The following ODC1 variants were observed in gnomAD, a reference collection of about 807,000 sequenced individuals.
ODC1 encodes ornithine decarboxylase.
ODC1 carries 18 observed loss-of-function variants against 41.5 expected under a neutral mutation model. The ratio of observed to expected loss-of-function variants is 0.43; its 90% CI spans 0.30 to 0.64. ODC1 has a LOEUF of 0.64. ODC1 is among the 30% of genes least tolerant of loss of function. ODC1 has a pLI of 0.11. For missense variants in ODC1, 504 were observed against 589.0 expected (o/e 0.86, Z 1.49); for synonymous variants, 218 against 211.6 (o/e 1.03, Z -0.26).
intron 8 of ODC1, among the ~76,000 whole-genome samples, chr2:10,442,449 C>A (rs1246967968): frequency 6.6e-6 from 1 of 152,174 alleles, no homozygotes; most frequent in African/African-American, 2.4e-5. Context: ...CAACTAACTA[C>A]TACCTAGGAA....
At chr2:10,445,904 G>A (rs1671997445) in intron 1 of ODC1, among the ~76,000 whole-genome samples, 1 of 152,162 alleles carries the variant, frequency 6.6e-6, no homozygotes, top group Non-Finnish European at 1.5e-5. Context: ...CCAAAGTGCT[G>A]GGATTACATT....
In ODC1 at chr2:10,444,514, G is replaced by A. The variant is rs373334646; in HGVS notation, c.236C>T (p.Thr79Ile). The A allele has an allele frequency of 6.8e-6, 11 of 1,613,634 alleles. No homozygotes were observed. In the South Asian group the frequency reaches 7.7e-5, roughly 11 times the overall value. ...AAATCCTGTCCCGGTAGCAGCAAGG[G>A]TCTTCACGATGGCTTTGCTATCATT... Reference protein sequence around the residue: ...KCNDSKAIVKTLAATGTGFDC... With the variant: ...KCNDSKAIVKILAATGTGFDC... Residue 79 changes from threonine (T) to isoleucine (I), a missense_variant, in exon 4 of 12, where the codon ACC (threonine) becomes ATC (isoleucine). By Grantham distance (89) the Thr-to-Ile change is moderately conservative. This residue lies in a region of ODC1 where 447 missense variants were observed against 524.4 expected (regional missense o/e 0.85). Coordinates refer to ENST00000234111, the MANE Select transcript of ODC1 (RefSeq NM_002539.3).
chr2:10,442,085 A>G lies in ODC1; in HGVS notation c.840T>C (p.Val280=). 1 of 1,614,180 alleles carries G rather than the reference A, an allele frequency of 6.2e-7. No individual in the cohort carries two copies. Among genetic ancestry groups the G allele is most frequent in the Non-Finnish European group, 8.5e-7 (1 of 1,179,994 alleles). ...RIIAEPGRYY[V]ASAFTLAVNI... is the part of the protein sequence containing the mutation. ...TAACTGCAAGCGTGAAAGCTGATGC[A>G]ACATAGTATCTGCCGGGCTCAGCTA... Residue 280 remains valine (V), a synonymous_variant, in exon 9 of 12, where the codon GTT becomes GTC. Coordinates refer to ENST00000234111, the MANE Select transcript of ODC1 (RefSeq NM_002539.3).
intron 1 of ODC1, among the ~76,000 whole-genome samples, chr2:10,445,882 C>T (rs1457026189): frequency 2.0e-5 from 3 of 152,100 alleles, no homozygotes; most frequent in Admixed American, 2.0e-4. Flanking sequence ...GTGATCCACC[C>T]GCCTCGGTCT....
chr2:10,445,443 G>C (rs943586629), intron 1 of ODC1, among the ~76,000 whole-genome samples, 179 bp from the exon 2 acceptor site: 1 of 152,022 alleles, frequency 6.6e-6, no homozygotes, highest in Non-Finnish European at 1.5e-5. Flanking sequence ...GGCAGTATAA[G>C]GACACAACAA....
At chr2:10,445,522 G>A (rs28362390) in intron 1 of ODC1, among the ~76,000 whole-genome samples, 2 of 152,204 alleles carry the variant, frequency 1.3e-5, no homozygotes, top group East Asian at 1.9e-4. Context: ...AATCTAGCAT[G>A]CAAGTTTCAG....
At chr2:10,442,198 AAG>A (rs749345625) in intron 8 of ODC1, 24 bp from the exon 9 acceptor site, 13 of 1,577,790 alleles carry the variant, frequency 8.2e-6, no homozygotes, top group South Asian at 7.0e-5. Flanking sequence ...ACAGAAAAGA[AAG>A]AGCAGCCTTC....
intron 1 of ODC1, among the ~76,000 whole-genome samples, chr2:10,446,056 A>G (rs1256507977): frequency 6.6e-6 from 1 of 151,978 alleles, no homozygotes; most frequent in Non-Finnish European, 1.5e-5. Flanking sequence ...CTGGGTATAT[A>G]CTTCTTAAAA....
chr2:10,445,911 C>T (rs1053090273), intron 1 of ODC1, among the ~76,000 whole-genome samples: 13 of 152,196 alleles, frequency 8.5e-5, no homozygotes, highest in African/African-American at 1.4e-4. Flanking sequence ...GCTGGGATTA[C>T]ATTATAGCCT....
At chr2:10,441,098 G>A (rs988582222) in intron 11 of ODC1, among the ~76,000 whole-genome samples, 1 of 151,896 alleles carries the variant, frequency 6.6e-6, no homozygotes, top group African/African-American at 2.4e-5. Context: ...GACTACAGGC[G>A]CCCACTACCA....
At chr2:10,445,897 A>C (rs1671997288) in intron 1 of ODC1, among the ~76,000 whole-genome samples, 1 of 152,184 alleles carries the variant, frequency 6.6e-6, no homozygotes, top group African/African-American at 2.4e-5. Context: ...CGGTCTTCCA[A>C]AGTGCTGGGA....
At position 10,440,839 on chromosome 2, in the gene ODC1, T is replaced by C; in HGVS notation, c.1271A>G (p.Asp424Gly). 6.2e-7 allele frequency: 1 copy of C among 1,614,082 alleles called. No homozygotes were observed. Among genetic ancestry groups the C allele is most frequent in the Non-Finnish European group, 8.5e-7 (1 of 1,180,012 alleles). The stretch of plus-strand genomic sequence containing the variant: ...CTGTTCCTCTACTTCGGGTGGGAAG[T>C]CGGGGTTCTGGAATTGCTGCATGAG... ...WQLMQQFQNP[D>G]FPPEVEEQDA... Residue 424 changes from aspartate (D) to glycine (G), a missense_variant, in exon 12 of 12, where the codon GAC (aspartate) becomes GGC (glycine). Transcript: ENST00000234111.
intron 4 of ODC1, 73 bp from the exon 5 acceptor site, chr2:10,444,340 G>A: frequency 6.6e-7 from 1 of 1,515,424 alleles, no homozygotes; most frequent in Non-Finnish European, 8.9e-7. Context: ...AGCATGGGAA[G>A]TTGTCATGTA....
At position 10,444,480 on chromosome 2, in the gene ODC1, A is replaced by C. The variant is rs564539509; in HGVS notation, c.270T>G (p.Ala90=). 1 of 1,611,250 alleles carries C rather than the reference A, an allele frequency of 6.2e-7. No homozygotes were observed. Among genetic ancestry groups the C allele is most frequent in the Admixed American group, 1.7e-5 (1 of 59,640 alleles). ...LAATGTGFDC[A]SKTEIQLVQS... ...GCCTGCTGCTATCGCTTACCTTGCT[A>C]GCACAGTCAAATCCTGTCCCGGTAG... is the stretch of plus-strand genomic sequence containing the variant. The change falls in exon 4 of 12, where the codon GCT becomes GCG. Residue 90 remains alanine (A), a synonymous_variant. Transcript: ENST00000234111.
intron 5 of ODC1, 68 bp from the exon 6 acceptor site, chr2:10,443,904 A>T: frequency 6.3e-7 from 1 of 1,591,676 alleles, no homozygotes; most frequent in Non-Finnish European, 8.6e-7. Flanking sequence ...ATTAAAATAA[A>T]AACAATCCTG....
In ODC1 at chr2:10,441,642, A is replaced by G; in HGVS notation, c.1108T>C (p.Cys370Arg). The G allele has an allele frequency of 6.2e-7, 1 of 1,614,254 alleles. No homozygotes were observed. Residue 370 changes from cysteine (C) to arginine (R), a missense_variant, in exon 11 of 12, where the codon TGT (cysteine) becomes CGT (arginine). Cys to Arg is a radical substitution (Grantham distance 180). Transcript: ENST00000234111. ...CCCACATGCATTTCAGGCAGGTCAC[A>G]GCGCTCAACAATCCGATCGAGGCCA... is the stretch of plus-strand genomic sequence containing the variant. ...CDGLDRIVER[C>R]DLPEMHVGDW...
At chr2:10,444,350 AC>A (rs1029268386) in intron 4 of ODC1, 83 bp from the exon 5 acceptor site, 36 of 1,500,800 alleles carry the variant, frequency 2.4e-5, no homozygotes, top group East Asian at 1.1e-4. Context: ...GTTGTCATGT[AC>A]CCCCCCGCCC....
At chr2:10,441,991 T>C in intron 9 of ODC1, 21 bp downstream of exon 9, 8 of 1,613,188 alleles carry the variant, frequency 5.0e-6, no homozygotes, top group South Asian at 1.1e-5. Context: ...ATACATGAAG[T>C]GATTCGTCCT....
chr2:10,447,788 C>T (rs977068030), intron 1 of ODC1: 4 of 152,342 alleles, frequency 2.6e-5, no homozygotes, highest in Non-Finnish European at 2.9e-5. Flanking sequence ...AGGGCCTCCC[C>T]AACGGCTCCC....
Sources: gnomAD v4.1 joint callset for allele counts (sites outside exome capture counted in the v4.1 genomes callset) on GRCh38, gnomAD v4.1.1 for gene constraint, gnomAD v4.1.1 regional missense constraint, MANE v1.5 for transcripts, NCBI Gene and HGNC (gene_info 2026-07-23, HGNC 2026-07-21) for gene names.